Variants in HERC3 observed in about 807,000 individuals in gnomAD.
The protein encoded by HERC3 is probable E3 ubiquitin-protein ligase HERC3.
HERC3 carries 58 observed loss-of-function variants against 129.9 expected under a neutral mutation model. That is an observed-to-expected ratio of 0.45 (90% confidence interval 0.36 to 0.56). The LOEUF (loss-of-function observed/expected upper bound fraction) is 0.56, where lower values mean the gene tolerates loss of function less well. Ranked by LOEUF, HERC3 falls within the 20% of genes least tolerant of loss-of-function variation. The pLI, the probability that HERC3 is intolerant of heterozygous loss-of-function variation, is 0.00. For synonymous variants in HERC3, 430 were observed against 451.0 expected, an observed-to-expected ratio of 0.95 and a Z score of 0.59; for missense variants, 835 against 1,244.2, an observed-to-expected ratio of 0.67 and a Z score of 4.95.
the HERC3 span, among the ~76,000 whole-genome samples, chr4:88,530,512 A>C: frequency 6.6e-6 from 1 of 152,200 alleles, no homozygotes; most frequent in Non-Finnish European, 1.5e-5. Context: ...TATAGGTCTT[A>C]TAGCCGTAAG....
chr4:88,685,778 TAATA>T (rs1007503900), intron 21 of HERC3, among the ~76,000 whole-genome samples: 1 of 151,936 alleles, frequency 6.6e-6, no homozygotes, highest in African/African-American at 2.4e-5. Context: ...ATAATAATAA[TAATA>T]AAGCCAGTCT....
At chr4:88,690,273 T>A in intron 23 of HERC3, 1 of 979,170 alleles carries the variant, frequency 1.0e-6, no homozygotes, top group Non-Finnish European at 1.2e-6. Flanking sequence ...TTATTCCATA[T>A]AGTCAGATAA....
At chr4:88,645,733 T>A (rs1010164088) in intron 3 of HERC3, among the ~76,000 whole-genome samples, 1 of 152,166 alleles carries the variant, frequency 6.6e-6, no homozygotes, top group African/African-American at 2.4e-5. Flanking sequence ...ATCACATGAC[T>A]CAGAATGGTA....
chr4:88,533,310 C>T, the HERC3 span, among the ~76,000 whole-genome samples: 13 of 152,160 alleles, frequency 8.5e-5, no homozygotes, highest in Non-Finnish European at 1.5e-4. Context: ...GATGAGTCTG[C>T]GTCTCCCAGT....
chr4:88,690,189 A>T, intron 23 of HERC3: 2 of 983,264 alleles, frequency 2.0e-6, no homozygotes, highest in African/African-American at 1.7e-5. Context: ...TTTCCTTTAT[A>T]TAACATTGGT....
chr4:88,545,621 T>A, the HERC3 span, among the ~76,000 whole-genome samples: 1 of 151,978 alleles, frequency 6.6e-6, no homozygotes. Context: ...AGACAGGATC[T>A]CGCTATGTTG....
chr4:88,652,044 T>G lies in HERC3; in HGVS notation c.419T>G (p.Leu140Ter). The G allele has an allele frequency of 6.2e-7, 1 of 1,614,032 alleles. No homozygotes were observed. Among genetic ancestry groups the G allele is most frequent in the Non-Finnish European group, 8.5e-7 (1 of 1,179,858 alleles). ...CAAAAGCTGAACCAGCAAACAATAT[T>G]ACAAGTTTCCTGTGGCAACTGGCAT... is the stretch of plus-strand genomic sequence containing the variant. ...LIQKLNQQTI[L>*]QVSCGNWHCL... The change falls in exon 5 of 26, where the codon TTA becomes TGA. Residue 140 changes from leucine (L) to a stop codon, truncating the protein, a stop_gained. Coordinates refer to ENST00000402738, the MANE Select transcript of HERC3 (RefSeq NM_014606.3). LOFTEE classifies it high-confidence loss of function.
At position 88,707,972 on chromosome 4, in the gene HERC3, G is replaced by C. The variant is rs934218820; in HGVS notation, c.*1012G>C. On this transcript the variant is annotated 3_prime_UTR_variant, in exon 26 of 26. Coordinates refer to ENST00000402738, the MANE Select transcript of HERC3 (RefSeq NM_014606.3). ...TATTTTATCCCATTCTCTGTTACTTGACTCAGTGCTCCCTTCCTCTCCTCT... is the reference window on the plus strand; with the variant it reads ...TATTTTATCCCATTCTCTGTTACTTCACTCAGTGCTCCCTTCCTCTCCTCT... The C allele has an allele frequency of 6.6e-6, 1 of 151,718 alleles. No homozygotes were observed. Among genetic ancestry groups the C allele is most frequent in the Admixed American group, 6.6e-5 (1 of 15,202 alleles). The allele number at this position is 151,718 out of a possible 1,614,324, so 9.4% of individuals were successfully genotyped here.
chr4:88,658,977 A>G (rs922073457), intron 10 of HERC3, among the ~76,000 whole-genome samples: 1 of 152,126 alleles, frequency 6.6e-6, no homozygotes, highest in Non-Finnish European at 1.5e-5. Context: ...TTTCCCTTCC[A>G]TTGTCTCCTG....
chr4:88,654,863 C>T (rs1487541443), intron 7 of HERC3, among the ~76,000 whole-genome samples: 1 of 152,132 alleles, frequency 6.6e-6, no homozygotes, highest in African/African-American at 2.4e-5. Flanking sequence ...CTCATTTAGC[C>T]TAGCTCCTAG....
At chr4:88,648,388 A>G (rs147688711) in intron 3 of HERC3, among the ~76,000 whole-genome samples, 12 of 152,274 alleles carry the variant, frequency 7.9e-5, no homozygotes, top group African/African-American at 2.9e-4. Flanking sequence ...GGGAGGTAAA[A>G]TATTTTGAGA....
chr4:88,649,869 A>G lies in HERC3; in HGVS notation c.256A>G (p.Ile86Val). The change falls in exon 4 of 26, where the codon ATC becomes GTC. Residue 86 changes from isoleucine to valine, a missense_variant. Ile to Val is a conservative substitution (Grantham distance 29). Transcript: ENST00000402738. ...AATTGGAGCTCTGGCAGATCAGCAT[A>G]TCATTCATGTGGCATGTGGCGAGTC... ...EQIGALADQH[I>V]IHVACGESHS... 6.2e-7 allele frequency: 1 copy of G among 1,614,024 alleles called. No homozygotes were observed. The highest frequency in any genetic ancestry group is 8.5e-7 in the Non-Finnish European group (1 of 1,179,980).
At chr4:88,613,423 A>G (rs1200950768) in intron 3 of HERC3, among the ~76,000 whole-genome samples, 1 of 152,190 alleles carries the variant, frequency 6.6e-6, no homozygotes, top group Non-Finnish European at 1.5e-5. Context: ...GCCCATCACC[A>G]TATGTAACAG....
chr4:88,701,004 C>A (rs758033641), intron 23 of HERC3, among the ~76,000 whole-genome samples: 1 of 152,188 alleles, frequency 6.6e-6, no homozygotes, highest in Non-Finnish European at 1.5e-5. Context: ...ATCTTAACAA[C>A]ATCCAGACTG....
the HERC3 span, among the ~76,000 whole-genome samples, chr4:88,583,454 T>A: frequency 6.6e-6 from 1 of 150,428 alleles, no homozygotes; most frequent in East Asian, 1.9e-4. Flanking sequence ...AAAAAAAAAG[T>A]AAAAAAAATG....
chr4:88,534,690 AAAATT>A, the HERC3 span, among the ~76,000 whole-genome samples: 1 of 152,200 alleles, frequency 6.6e-6, no homozygotes, highest in Non-Finnish European at 1.5e-5. Flanking sequence ...AAAAAAATAA[AAAATT>A]AAGACAGCAA....
At chr4:88,629,557 A>G (rs1726511222) in intron 3 of HERC3, among the ~76,000 whole-genome samples, 1 of 152,200 alleles carries the variant, frequency 6.6e-6, no homozygotes, top group African/African-American at 2.4e-5. Context: ...ATATATTTGT[A>G]GAAATACAAC....
chr4:88,653,204 T>C, intron 6 of HERC3, 114 bp downstream of exon 6: 3 of 1,012,732 alleles, frequency 3.0e-6, no homozygotes, highest in South Asian at 3.1e-5. Context: ...GGAGAAGCAG[T>C]GAACACAATA....
chr4:88,678,117 T>G lies in HERC3; in HGVS notation c.2179T>G (p.Leu727Val). Residue 727 changes from leucine (L) to valine (V), a missense_variant, in exon 19 of 26, where the codon TTG (leucine) becomes GTG (valine). Transcript: ENST00000402738. ...RELSIHSDID[L>V]KKPLKVIFDG... Reference sequence around the variant, plus strand: ...GCTGAGCATTCATTCTGATATTGATTTGAAAAAGCCTCTCAAAGTGAGTTC... The same window carrying G: ...GCTGAGCATTCATTCTGATATTGATGTGAAAAAGCCTCTCAAAGTGAGTTC... 1.2e-6 allele frequency: 2 copies of G among 1,613,812 alleles called. No homozygotes were observed. The highest frequency in any genetic ancestry group is 2.2e-5 in the South Asian group (2 of 91,084).
Sources: allele counts gnomAD v4.1 joint callset (sites outside exome capture counted in the v4.1 genomes callset), GRCh38; gene constraint gnomAD v4.1.1; transcripts MANE v1.5; gene names NCBI Gene and HGNC (gene_info 2026-07-23, HGNC 2026-07-21).